The following LMBRD1 variants were observed in gnomAD, a reference collection of about 807,000 sequenced individuals.
LMBRD1 encodes LMBR1 domain containing 1, also known as lysosomal cobalamin transport escort protein LMBD1.
A neutral mutation model predicts 74.8 loss-of-function variants in LMBRD1; 64 were observed. That is an observed-to-expected ratio of 0.86 (90% CI 0.70 to 1.05). LMBRD1 has a LOEUF of 1.05. LMBRD1 is among the 50% of genes least tolerant of loss of function. The pLI, the probability that LMBRD1 is intolerant of heterozygous loss-of-function variation, is 0.00. For synonymous variants in LMBRD1, 204 were observed against 216.3 expected, an observed-to-expected ratio of 0.94 and a Z score of 0.50; for missense variants, 652 against 645.9, an observed-to-expected ratio of 1.01 and a Z score of -0.10.
At chr6:69,738,155 G>A (rs1056038326) in intron 6 of LMBRD1, 140 bp from the exon 7 acceptor site, 11 of 588,734 alleles carry the variant, frequency 1.9e-5, no homozygotes, top group Non-Finnish European at 3.3e-5. Flanking sequence ...TTCTTGAAGT[G>A]CTAACTCCAA....
chr6:69,703,255 T>C (rs1766173082), intron 9 of LMBRD1, among the ~76,000 whole-genome samples: 1 of 152,038 alleles, frequency 6.6e-6, no homozygotes, highest in Non-Finnish European at 1.5e-5. Flanking sequence ...TTCAGGCATC[T>C]ATATTTGGTA....
chr6:69,702,398 GATATAT>G (rs980906099), intron 9 of LMBRD1, among the ~76,000 whole-genome samples: 44 of 151,416 alleles, frequency 2.9e-4, no homozygotes, highest in African/African-American at 1.1e-3. Flanking sequence ...ATATATAAAT[GATATAT>G]ATAGTGGTTA....
chr6:69,770,501 T>C (rs939379538), intron 3 of LMBRD1, among the ~76,000 whole-genome samples: 6 of 152,210 alleles, frequency 3.9e-5, no homozygotes, highest in African/African-American at 7.2e-5. Flanking sequence ...AATCTGCCAA[T>C]TTTCAAACTT....
At chr6:69,724,052 T>A (rs997884778) in intron 7 of LMBRD1, among the ~76,000 whole-genome samples, 2 of 151,648 alleles carry the variant, frequency 1.3e-5, no homozygotes, top group African/African-American at 2.4e-5. Flanking sequence ...AATTGGAAAA[T>A]ATAAAAGAAA....
At chr6:69,784,435 G>A (rs1235383586) in intron 2 of LMBRD1, among the ~76,000 whole-genome samples, 1 of 152,110 alleles carries the variant, frequency 6.6e-6, no homozygotes, top group Non-Finnish European at 1.5e-5. Flanking sequence ...CCATAAAAAT[G>A]GTGGTTCTCA....
At chr6:69,693,175 G>C (rs1441644359) in intron 14 of LMBRD1, among the ~76,000 whole-genome samples, 1 of 152,036 alleles carries the variant, frequency 6.6e-6, no homozygotes, top group Non-Finnish European at 1.5e-5. Context: ...CTGTCAGGAT[G>C]AATTAAGTAA....
At chr6:69,737,009 T>C (rs1035094306) in intron 7 of LMBRD1, among the ~76,000 whole-genome samples, 8 of 152,198 alleles carry the variant, frequency 5.3e-5, no homozygotes, top group African/African-American at 1.9e-4. Flanking sequence ...CTGTAAGATA[T>C]TGAAATGTAT....
chr6:69,794,681 T>G (rs902178317), intron 1 of LMBRD1, among the ~76,000 whole-genome samples: 2 of 152,262 alleles, frequency 1.3e-5, no homozygotes, highest in Non-Finnish European at 2.9e-5. Flanking sequence ...TCCACAAGTA[T>G]GAGCTTGACA....
chr6:69,738,054 A>T (rs1229811473), intron 6 of LMBRD1, 39 bp from the exon 7 acceptor site: 2 of 1,389,196 alleles, frequency 1.4e-6, no homozygotes, highest in Non-Finnish European at 2.0e-6. Context: ...GTACATATAT[A>T]CTACTCAAAT....
In LMBRD1 at chr6:69,699,207, G is replaced by A. The variant is rs774156278; in HGVS notation, c.1189-15C>T. On this transcript the variant is annotated splice_polypyrimidine_tract_variant and intron_variant, in intron 12 of 15. Coordinates refer to ENST00000649934, the MANE Select transcript of LMBRD1 (RefSeq NM_018368.4). ...ATTTTATATAACTGGAAAGAAAAGAGTGACAAAATTTCAGCAATATATTTC... is the reference window on the plus strand; with the variant it reads ...ATTTTATATAACTGGAAAGAAAAGAATGACAAAATTTCAGCAATATATTTC... The A allele has an allele frequency of 1.9e-6, 3 of 1,608,038 alleles. No homozygotes were observed. Among genetic ancestry groups the A allele is most frequent in the Admixed American group, 1.7e-5 (1 of 59,866 alleles).
In LMBRD1 at chr6:69,699,118, GAC is replaced by G; in HGVS notation, c.1261_1262del (p.Val421ProfsTer4). On this transcript the variant is annotated frameshift_variant, in exon 13 of 16. Transcript: ENST00000649934. LOFTEE classifies it high-confidence loss of function. ...LFLCMILLLIVLHTSYMIYSL... is the reference protein window; with the variant it reads ...LFLCMILLLIXLHTSYMIYSL... ...TATAAATCATGTAGCTAGTGTGAAG[GAC>G]AATAAGCAGAAGTATCATGCAGAGA... 6.2e-7 allele frequency: 1 copy of G among 1,609,944 alleles called. No individual in the cohort carries two copies. Among genetic ancestry groups the G allele is most frequent in the Non-Finnish European group, 8.5e-7 (1 of 1,176,648 alleles).
chr6:69,676,257 T>C lies in LMBRD1; in HGVS notation c.1524A>G (p.Gly508=). Residue 508 remains glycine (G), a synonymous_variant, in exon 16 of 16, where the codon GGA becomes GGG. Transcript: ENST00000649934. ...TCCCTTTACAACAGGATACAATTAA[T>C]CCAATCAAAAATACCTGTAAATTTA... ...NWAFLGVFLI[G]LIVSCCKGKK... The C allele has an allele frequency of 6.2e-7, 1 of 1,613,094 alleles. No individual in the cohort carries two copies. Among genetic ancestry groups the C allele is most frequent in the Non-Finnish European group, 8.5e-7 (1 of 1,179,560 alleles).
intron 9 of LMBRD1, among the ~76,000 whole-genome samples, chr6:69,708,028 A>G (rs1457500): frequency 0.48 from 73,203 of 151,928 alleles, 18,311 homozygotes; most frequent in African/African-American, 0.61. Flanking sequence ...TTACAAACAT[A>G]AATTTATAAT....
chr6:69,784,760 C>T (rs1765910986), intron 2 of LMBRD1, among the ~76,000 whole-genome samples: 1 of 152,162 alleles, frequency 6.6e-6, no homozygotes, highest in South Asian at 2.1e-4. Context: ...ACCCACACTC[C>T]TATTACACCC....
At chr6:69,786,813 G>A (rs1765960007) in intron 2 of LMBRD1, among the ~76,000 whole-genome samples, 2 of 152,112 alleles carry the variant, frequency 1.3e-5, no homozygotes, top group Non-Finnish European at 2.9e-5. Context: ...TCACAGAAAA[G>A]CCTGGGCACC....
At chr6:69,769,975 C>T (rs928660483) in intron 3 of LMBRD1, among the ~76,000 whole-genome samples, 1 of 152,062 alleles carries the variant, frequency 6.6e-6, no homozygotes, top group Non-Finnish European at 1.5e-5. Context: ...GCCAATTGCC[C>T]CTGGCTTTTC....
Position 69,790,583 on chromosome 6 carries a change from T to C in LMBRD1, c.70-111A>G, listed in dbSNP as rs188494279. 4.9e-4 allele frequency: 532 copies of C among 1,088,322 alleles called. 5 individuals are homozygous for C. In the African/African-American group the frequency reaches 6.9e-3, roughly 14 times the overall value. 67.4% of individuals were successfully genotyped at this position (1,088,322 alleles called of 1,614,324 possible). On this transcript the variant is annotated intron_variant, in intron 1 of 15. Transcript: ENST00000649934. The stretch of plus-strand genomic sequence containing the variant: ...ACCTTATGTGAAGTAAAGGTTATTT[T>C]AGTTGTGTAAGGAAAGCCCACTATC...
intron 3 of LMBRD1, among the ~76,000 whole-genome samples, chr6:69,758,245 C>A (rs1451635696): frequency 6.6e-6 from 1 of 152,098 alleles, no homozygotes; most frequent in Admixed American, 6.6e-5. Context: ...TACATCAAAA[C>A]ACAATGACAA....
intron 7 of LMBRD1, among the ~76,000 whole-genome samples, chr6:69,728,732 C>A (rs1766789620): frequency 6.6e-6 from 1 of 152,176 alleles, no homozygotes; most frequent in Non-Finnish European, 1.5e-5. Context: ...CTAAAGTGAT[C>A]TCACTCTAAT....
Sources: allele counts gnomAD v4.1 joint callset (sites outside exome capture counted in the v4.1 genomes callset), GRCh38; gene constraint gnomAD v4.1.1; transcripts MANE v1.5; gene names NCBI Gene and HGNC (gene_info 2026-07-23, HGNC 2026-07-21).